The following RSBN1L variants were observed in gnomAD, a reference collection of about 807,000 sequenced individuals.
RSBN1L encodes lysine-specific demethylase RSBN1L.
RSBN1L carries 30 observed loss-of-function variants against 67.7 expected under a neutral mutation model. That is an observed-to-expected ratio of 0.44 (90% CI 0.33 to 0.60). RSBN1L has a LOEUF of 0.60. Among genes scored for constraint, RSBN1L ranks in the 20% least tolerant of loss-of-function variants. RSBN1L has a pLI of 0.02. For missense variants in RSBN1L, 992 were observed against 1,031.7 expected (o/e 0.96, Z 0.53); for synonymous variants, 433 against 387.0 (o/e 1.12, Z -1.39).
At chr7:77,699,595 A>G (rs1790787128) in intron 1 of RSBN1L, among the ~76,000 whole-genome samples, 1 of 152,212 alleles carries the variant, frequency 6.6e-6, no homozygotes, top group Non-Finnish European at 1.5e-5. Context: ...AGGAAGGATC[A>G]TTGACAGATA....
At chr7:77,749,091 T>C (rs1791521220) in intron 2 of RSBN1L, among the ~76,000 whole-genome samples, 2 of 152,056 alleles carry the variant, frequency 1.3e-5, no homozygotes, top group Non-Finnish European at 2.9e-5. Context: ...TTGTCTCTTC[T>C]AAAAACACAA....
At chr7:77,737,098 G>A (rs533823819) in intron 2 of RSBN1L, among the ~76,000 whole-genome samples, 1 of 151,672 alleles carries the variant, frequency 6.6e-6, no homozygotes, top group East Asian at 1.9e-4. Context: ...GAATTTGGGG[G>A]GTAGGTGGTT....
At chr7:77,697,080 G>C in intron 1 of RSBN1L, 25 bp downstream of exon 1, 1 of 1,371,760 alleles carries the variant, frequency 7.3e-7, no homozygotes, top group Non-Finnish European at 9.4e-7. Context: ...GGGAGGGGGA[G>C]GGGAGGGCGC....
intron 2 of RSBN1L, among the ~76,000 whole-genome samples, chr7:77,742,246 A>G (rs1351607897): frequency 6.6e-6 from 1 of 151,736 alleles, no homozygotes; most frequent in East Asian, 1.9e-4. Flanking sequence ...AAAAAAATAT[A>G]CAGACACACA....
At chr7:77,752,247 G>GT (rs1191308670) in intron 3 of RSBN1L, among the ~76,000 whole-genome samples, 2 of 152,182 alleles carry the variant, frequency 1.3e-5, no homozygotes, top group Admixed American at 6.5e-5. Context: ...GATGGATCCT[G>GT]TTTTTTACCA....
At chr7:77,697,981 G>T (rs1790763429) in intron 1 of RSBN1L, among the ~76,000 whole-genome samples, 1 of 152,172 alleles carries the variant, frequency 6.6e-6, no homozygotes, top group Non-Finnish European at 1.5e-5. Context: ...AGCTTAAAGC[G>T]CATAATCTTT....
In RSBN1L at chr7:77,709,251, A is replaced by G. The variant is rs963408436; in HGVS notation, c.586+12196A>G. On this transcript the variant is annotated intron_variant, in intron 1 of 7. Coordinates refer to ENST00000334955, the MANE Select transcript of RSBN1L (RefSeq NM_198467.3). ...CTGCCTGTGTGGAGGGGACCCTTTT[A>G]GAACTCTCCTTACAGTGGCAGATAG... Among the ~76,000 whole-genome samples, 6 of 151,682 alleles carry G rather than the reference A, an allele frequency of 4.0e-5. No individual in the cohort carries two copies. The East Asian group carries it at 1.2e-3, about 29-fold the overall frequency.
At chr7:77,741,485 A>T (rs938084896) in intron 2 of RSBN1L, among the ~76,000 whole-genome samples, 2 of 151,602 alleles carry the variant, frequency 1.3e-5, no homozygotes, top group African/African-American at 4.8e-5. Flanking sequence ...AGGTCAGGAG[A>T]TCAAGACCAT....
chr7:77,761,614 T>C (rs1467578529), intron 3 of RSBN1L, among the ~76,000 whole-genome samples: 1 of 152,208 alleles, frequency 6.6e-6, no homozygotes, highest in African/African-American at 2.4e-5. Flanking sequence ...ATTTTATTCT[T>C]ACATTTTATT....
intron 1 of RSBN1L, among the ~76,000 whole-genome samples, chr7:77,701,247 CT>C (rs1410828639): frequency 7.9e-5 from 12 of 151,512 alleles, no homozygotes; most frequent in South Asian, 2.1e-4. Flanking sequence ...GGGTTGTTTC[CT>C]CTTTAGGCCT....
At chr7:77,775,380 C>T (rs756101204) in intron 6 of RSBN1L, among the ~76,000 whole-genome samples, 4 of 152,024 alleles carry the variant, frequency 2.6e-5, no homozygotes, top group Non-Finnish European at 5.9e-5. Flanking sequence ...CCTAAAAATA[C>T]AAAAATTAGC....
intron 2 of RSBN1L, among the ~76,000 whole-genome samples, chr7:77,742,226 A>G (rs915300856): frequency 3.5e-5 from 5 of 141,144 alleles, no homozygotes; most frequent in African/African-American, 1.4e-4. Context: ...CACGGCAAGA[A>G]TCCATCTTTA....
intron 1 of RSBN1L, among the ~76,000 whole-genome samples, chr7:77,700,545 G>A (rs1009851607): frequency 1.3e-5 from 2 of 152,198 alleles, no homozygotes; most frequent in Admixed American, 1.3e-4. Flanking sequence ...TGTGAGTGAT[G>A]TCAAAGGGAT....
At chr7:77,770,608 G>T (rs1035009094) in intron 5 of RSBN1L, among the ~76,000 whole-genome samples, 3 of 151,934 alleles carry the variant, frequency 2.0e-5, no homozygotes, top group African/African-American at 7.3e-5. Flanking sequence ...TTGAGCCCAG[G>T]AGTTTGAGGC....
intron 3 of RSBN1L, among the ~76,000 whole-genome samples, chr7:77,757,763 T>G (rs1331577422): frequency 6.6e-6 from 1 of 152,212 alleles, no homozygotes; most frequent in Non-Finnish European, 1.5e-5. Context: ...CACATTTTTC[T>G]CATCATCCCA....
In RSBN1L at chr7:77,779,114, A is replaced by G. The variant is rs200626253; in HGVS notation, c.2487A>G (p.Gln829=). 37 of 1,613,198 alleles carry G rather than the reference A, an allele frequency of 2.3e-5. No individual in the cohort carries two copies. Among genetic ancestry groups the G allele is most frequent in the Non-Finnish European group, 2.8e-5 (33 of 1,179,500 alleles). Reference sequence around the variant, plus strand: ...ATCTAAGTCTAGTTGATACAAGGCAACACAGTTCAGCACATTCAAATCAAG... The same window carrying G: ...ATCTAAGTCTAGTTGATACAAGGCAGCACAGTTCAGCACATTCAAATCAAG... ...PGNLSLVDTR[Q]HSSAHSNQDK... is the part of the protein sequence containing the mutation. Residue 829 remains glutamine (Q), a synonymous_variant, in exon 8 of 8, where the codon CAA becomes CAG. Transcript: ENST00000334955.
At chr7:77,747,664 G>T (rs1159242671) in intron 2 of RSBN1L, among the ~76,000 whole-genome samples, 1 of 152,204 alleles carries the variant, frequency 6.6e-6, no homozygotes, top group Admixed American at 6.5e-5. Flanking sequence ...TGGATGTTCA[G>T]GCAGAAGCCT....
At position 77,741,206 on chromosome 7, in the gene RSBN1L, C is replaced by T. The variant is rs763779223; in HGVS notation, c.703+4680C>T. Among the ~76,000 whole-genome samples the T allele has an allele frequency of 3.3e-5, 5 of 151,216 alleles. 1 individual carries two copies. The South Asian group carries it at 6.3e-4, about 19-fold the overall frequency. On this transcript the variant is annotated intron_variant, in intron 2 of 7. Transcript: ENST00000334955. ...TTTACCATGTTGGCCAGGCTGGTCT[C>T]GAACTCCTGACCTCAAGCAGTCCAC...
At chr7:77,726,463 A>C (rs1791204241) in intron 1 of RSBN1L, among the ~76,000 whole-genome samples, 1 of 152,176 alleles carries the variant, frequency 6.6e-6, no homozygotes, top group Non-Finnish European at 1.5e-5. Context: ...TCATGATTAG[A>C]CTGGAGTTTA....
Sources: gnomAD v4.1 joint callset for allele counts (sites outside exome capture counted in the v4.1 genomes callset) on GRCh38, gnomAD v4.1.1 for gene constraint, MANE v1.5 for transcripts, NCBI Gene and HGNC (gene_info 2026-07-23, HGNC 2026-07-21) for gene names.